ANGPT1: variants seen among roughly 807,000 people sequenced by gnomAD.
ANGPT1 encodes the protein angiopoietin-1.
A neutral mutation model predicts 62.2 loss-of-function variants in ANGPT1; 17 were observed. That is an observed-to-expected ratio of 0.27 (90% confidence interval 0.19 to 0.41). ANGPT1 has a LOEUF of 0.41. Among genes scored for constraint, ANGPT1 ranks in the 10% least tolerant of loss-of-function variants. ANGPT1 has a pLI of 1.00. For missense variants in ANGPT1, 478 were observed against 594.9 expected (o/e 0.80, Z 2.04); for synonymous variants, 199 against 198.9 (o/e 1.00, Z 0.00).
At position 107,353,084 on chromosome 8, in the gene ANGPT1, A is replaced by G. The variant is rs114694362; in HGVS notation, c.298-5987T>C. 3.8e-3 allele frequency among the ~76,000 whole-genome samples: 586 copies of G among 152,326 alleles called. 6 individuals carry two copies. The highest frequency in any genetic ancestry group is 0.014 in the African/African-American group (564 of 41,578). ...ATATAATTGTCTTTTTAGACAATAG[A>G]TCTATTTAGCTAACATTTAAAATGG... On this transcript the variant is annotated intron_variant, in intron 1 of 8. Transcript: ENST00000517746.
At chr8:107,370,661 C>A (rs1816386715) in intron 1 of ANGPT1, among the ~76,000 whole-genome samples, 1 of 136,810 alleles carries the variant, frequency 7.3e-6, no homozygotes, top group African/African-American at 2.7e-5. Context: ...TGAGATCACG[C>A]CACTGCACTC....
At chr8:107,285,941 T>C (rs867473554) in intron 6 of ANGPT1, among the ~76,000 whole-genome samples, 1 of 152,174 alleles carries the variant, frequency 6.6e-6, no homozygotes, top group Middle Eastern at 3.4e-3. Flanking sequence ...TAGGGTTGTT[T>C]TGAAATTCAA....
intron 1 of ANGPT1, among the ~76,000 whole-genome samples, chr8:107,351,145 C>G (rs1815923539): frequency 6.6e-6 from 1 of 152,008 alleles, no homozygotes; most frequent in South Asian, 2.1e-4. Context: ...AATTATTTGA[C>G]TATACTGCCA....
chr8:107,432,232 C>T (rs1008215469), intron 1 of ANGPT1, among the ~76,000 whole-genome samples: 1 of 151,748 alleles, frequency 6.6e-6, no homozygotes, highest in Non-Finnish European at 1.5e-5. Flanking sequence ...ATAAATATTC[C>T]TTATCCCAAA....
chr8:107,294,079 T>G, intron 5 of ANGPT1, 42 bp from the exon 6 acceptor site: 1 of 1,506,216 alleles, frequency 6.6e-7, no homozygotes, highest in Non-Finnish European at 9.2e-7. Flanking sequence ...ATACTTCTAC[T>G]TTAAAAAACA....
At chr8:107,417,335 G>A (rs1810779961) in intron 1 of ANGPT1, among the ~76,000 whole-genome samples, 1 of 152,138 alleles carries the variant, frequency 6.6e-6, no homozygotes, top group Non-Finnish European at 1.5e-5. Flanking sequence ...AGGTAGAATG[G>A]ATGGGAAGGC....
At chr8:107,301,634 G>A (rs181610052) in intron 5 of ANGPT1, among the ~76,000 whole-genome samples, 18 of 152,012 alleles carry the variant, frequency 1.2e-4, no homozygotes, top group Admixed American at 7.9e-4. Context: ...ATGAAAAACA[G>A]CAAAACCACA....
At chr8:107,458,672 T>G (rs1484437930) in intron 1 of ANGPT1, among the ~76,000 whole-genome samples, 1 of 152,094 alleles carries the variant, frequency 6.6e-6, no homozygotes, top group African/African-American at 2.4e-5. Context: ...AACATTCTGT[T>G]ATAAATAGAA....
intron 6 of ANGPT1, among the ~76,000 whole-genome samples, chr8:107,291,337 A>G (rs554488479): frequency 2.6e-5 from 4 of 152,278 alleles, no homozygotes; most frequent in African/African-American, 7.2e-5. Context: ...ACTAGTTAGA[A>G]AGCTAAGGTG....
chr8:107,270,421 T>C (rs1482159498), intron 7 of ANGPT1, among the ~76,000 whole-genome samples: 3 of 152,064 alleles, frequency 2.0e-5, no homozygotes, highest in Admixed American at 2.0e-4. Context: ...TCACAATTAC[T>C]AAGAAATTCA....
intron 1 of ANGPT1, among the ~76,000 whole-genome samples, chr8:107,481,532 CAAAAAAA>C (rs71562147): frequency 1.6e-5 from 1 of 64,334 alleles, no homozygotes; most frequent in Non-Finnish European, 2.8e-5. Flanking sequence ...GACTCTGTCT[CAAAAAAA>C]AAAAAAAAAA....
intron 1 of ANGPT1, among the ~76,000 whole-genome samples, chr8:107,469,493 G>A (rs994956433): frequency 6.6e-6 from 1 of 151,906 alleles, no homozygotes; most frequent in African/African-American, 2.4e-5. Flanking sequence ...ATGCAACCTT[G>A]GAGAACAAAT....
At position 107,325,303 on chromosome 8, in the gene ANGPT1, T is replaced by C. The variant is rs551005845; in HGVS notation, c.576-3175A>G. Among the ~76,000 whole-genome samples the C allele has an allele frequency of 2.0e-5, 3 of 152,326 alleles. No individual in the cohort carries two copies. The East Asian group carries it at 5.8e-4, about 29-fold the overall frequency. ...AGCTTATTCTCTGTTTACTTTTTAT[T>C]TACTTTTCTTGCTAGTCCTGGGGTA... On this transcript the variant is annotated intron_variant, in intron 3 of 8. Coordinates refer to ENST00000517746, the MANE Select transcript of ANGPT1 (RefSeq NM_001146.5).
At chr8:107,252,906 T>G (rs953334274) in intron 8 of ANGPT1, among the ~76,000 whole-genome samples, 1 of 152,176 alleles carries the variant, frequency 6.6e-6, no homozygotes, top group Non-Finnish European at 1.5e-5. Context: ...CTGGCATATT[T>G]TTTATTTGGA....
chr8:107,287,880 T>C (rs961853390), intron 6 of ANGPT1, among the ~76,000 whole-genome samples: 6 of 152,178 alleles, frequency 3.9e-5, no homozygotes, highest in Non-Finnish European at 8.8e-5. Flanking sequence ...AAATTGATAA[T>C]ATAACCGAAG....
At chr8:107,348,473 T>G (rs544583781) in intron 1 of ANGPT1, among the ~76,000 whole-genome samples, 2 of 152,298 alleles carry the variant, frequency 1.3e-5, no homozygotes, top group South Asian at 4.1e-4. Flanking sequence ...ACATTCTAAA[T>G]TCATTCTTGG....
intron 3 of ANGPT1, among the ~76,000 whole-genome samples, chr8:107,333,160 C>T (rs2514887): frequency 0.38 from 57,991 of 151,930 alleles, 11,755 homozygotes; most frequent in East Asian, 0.48. Flanking sequence ...AAGAAAAACA[C>T]TTCTCTTTTT....
chr8:107,324,215 A>ATATATGTGTGTG (rs1446823991), intron 3 of ANGPT1, among the ~76,000 whole-genome samples: 1 of 144,772 alleles, frequency 6.9e-6, no homozygotes, highest in African/African-American at 2.6e-5. Flanking sequence ...GTATATATAT[A>ATATATGTGTGTG]TGTGTGTGTG....
chr8:107,338,913 A>G (rs1389067813), intron 2 of ANGPT1, among the ~76,000 whole-genome samples: 1 of 152,250 alleles, frequency 6.6e-6, no homozygotes, highest in Non-Finnish European at 1.5e-5. Flanking sequence ...ATGGATACTC[A>G]GTATTTGCTT....
Sources: gnomAD v4.1 joint callset for allele counts (sites outside exome capture counted in the v4.1 genomes callset) on GRCh38, gnomAD v4.1.1 for gene constraint, MANE v1.5 for transcripts, NCBI Gene and HGNC (gene_info 2026-07-23, HGNC 2026-07-21) for gene names.